The following TAS2R1 variants were observed in gnomAD, a reference collection of about 807,000 sequenced individuals.
TAS2R1 encodes the protein taste receptor type 2 member 1.
For missense variants in TAS2R1, 370 were observed against 353.4 expected (o/e 1.05, Z -0.38); for synonymous variants, 141 against 134.2 (o/e 1.05, Z -0.35).
At chr5:9,807,871 TAAAAC>T in the TAS2R1 span, among the ~76,000 whole-genome samples, 2 of 151,478 alleles carry the variant, frequency 1.3e-5, no homozygotes, top group African/African-American at 2.4e-5. Flanking sequence ...GAAATAAAAA[TAAAAC>T]AAATCAAAAC....
the TAS2R1 span, among the ~76,000 whole-genome samples, chr5:9,898,055 G>A: frequency 2.0e-5 from 3 of 152,134 alleles, no homozygotes; most frequent in Non-Finnish European, 2.9e-5. Context: ...TGTTCCCAAC[G>A]CATCCTTGTG....
the TAS2R1 span, among the ~76,000 whole-genome samples, chr5:9,745,267 T>G: frequency 1.3e-5 from 2 of 152,148 alleles, no homozygotes; most frequent in East Asian, 3.9e-4. Flanking sequence ...CTGGACCACA[T>G]GGTGAAAGAC....
chr5:9,718,005 G>A, the TAS2R1 span, among the ~76,000 whole-genome samples: 2 of 152,196 alleles, frequency 1.3e-5, no homozygotes, highest in African/African-American at 2.4e-5. Context: ...CTGTTGCCAC[G>A]CTGGAGTGCA....
chr5:9,735,131 C>G, the TAS2R1 span, among the ~76,000 whole-genome samples: 1 of 151,204 alleles, frequency 6.6e-6, no homozygotes, highest in Non-Finnish European at 1.5e-5. Flanking sequence ...TTTTAAATGA[C>G]CAGATCTCCT....
chr5:9,772,675 G>A, the TAS2R1 span, among the ~76,000 whole-genome samples: 1 of 152,086 alleles, frequency 6.6e-6, no homozygotes, highest in Non-Finnish European at 1.5e-5. Context: ...ATAGCTGGGT[G>A]TTCCAGTGTT....
the TAS2R1 span, among the ~76,000 whole-genome samples, chr5:9,850,756 A>G: frequency 6.6e-6 from 1 of 152,242 alleles, no homozygotes; most frequent in East Asian, 1.9e-4. Context: ...AAGTGTGTAC[A>G]TCAGGTTGGA....
chr5:9,689,998 G>A (rs1215148595), intron 1 of TAS2R1, among the ~76,000 whole-genome samples: 2 of 152,144 alleles, frequency 1.3e-5, no homozygotes, highest in Non-Finnish European at 2.9e-5. Context: ...GAGAACAGAA[G>A]TTTTGTTAAA....
the TAS2R1 span, among the ~76,000 whole-genome samples, chr5:9,822,050 T>G: frequency 6.6e-6 from 1 of 152,218 alleles, no homozygotes; most frequent in Non-Finnish European, 1.5e-5. Flanking sequence ...TTGCTGTCAG[T>G]AACACCTGTA....
At chr5:9,789,839 CA>C in the TAS2R1 span, among the ~76,000 whole-genome samples, 1 of 152,224 alleles carries the variant, frequency 6.6e-6, no homozygotes, top group Admixed American at 6.5e-5. Flanking sequence ...CAGGGATTTA[CA>C]GCAACAAGTA....
intron 2 of TAS2R1, among the ~76,000 whole-genome samples, chr5:9,650,189 A>G (rs1032260587): frequency 1.3e-5 from 2 of 152,204 alleles, no homozygotes; most frequent in African/African-American, 4.8e-5. Context: ...GATAGAAAAC[A>G]ATATATTCTA....
chr5:9,805,676 A>AG, the TAS2R1 span, among the ~76,000 whole-genome samples: 1 of 152,032 alleles, frequency 6.6e-6, no homozygotes, highest in Non-Finnish European at 1.5e-5. Flanking sequence ...ATGCAGAAAA[A>AG]CATGTGACAA....
chr5:9,760,047 T>C, the TAS2R1 span, among the ~76,000 whole-genome samples: 2 of 152,204 alleles, frequency 1.3e-5, no homozygotes, highest in East Asian at 3.9e-4. Flanking sequence ...CTATGGTTAG[T>C]AAAAGGCTAA....
At chr5:9,811,951 C>T in the TAS2R1 span, among the ~76,000 whole-genome samples, 1 of 152,090 alleles carries the variant, frequency 6.6e-6, no homozygotes, top group Admixed American at 6.6e-5. Context: ...ATCACAGGGG[C>T]TGTGCACATG....
chr5:9,800,005 A>G, the TAS2R1 span, among the ~76,000 whole-genome samples: 1 of 152,254 alleles, frequency 6.6e-6, no homozygotes, highest in African/African-American at 2.4e-5. Flanking sequence ...GGAAAAAGGT[A>G]GAAACTGCCA....
At chr5:9,847,720 T>G in the TAS2R1 span, among the ~76,000 whole-genome samples, 2 of 152,216 alleles carry the variant, frequency 1.3e-5, no homozygotes, top group Non-Finnish European at 2.9e-5. Context: ...GTATGCCTGA[T>G]GGTTGAGTTG....
chr5:9,654,490 A>G (rs1740370577), intron 2 of TAS2R1, among the ~76,000 whole-genome samples: 1 of 152,218 alleles, frequency 6.6e-6, no homozygotes, highest in African/African-American at 2.4e-5. Flanking sequence ...AAAAGAATAA[A>G]GAGTGACTTT....
the TAS2R1 span, chr5:9,862,768 C>T: frequency 6.6e-6 from 1 of 152,144 alleles, no homozygotes; most frequent in African/African-American, 2.4e-5. Context: ...ACATGCACCA[C>T]CACACGTACT....
chr5:9,633,195 C>T (rs907000072), upstream of TAS2R1, among the ~76,000 whole-genome samples: 7 of 149,680 alleles, frequency 4.7e-5, no homozygotes, highest in African/African-American at 1.7e-4. Context: ...ATGAGCAGTA[C>T]TATTTTTTAA....
chr5:9,883,145 T>A, the TAS2R1 span, among the ~76,000 whole-genome samples: 1 of 152,168 alleles, frequency 6.6e-6, no homozygotes, highest in Non-Finnish European at 1.5e-5. Flanking sequence ...AAACACCACA[T>A]GTTCTCACTT....
Sources: gnomAD v4.1 joint callset for allele counts (sites outside exome capture counted in the v4.1 genomes callset) on GRCh38, gnomAD v4.1.1 for gene constraint, MANE v1.5 for transcripts, NCBI Gene and HGNC (gene_info 2026-07-23, HGNC 2026-07-21) for gene names.